Variants in MTBP observed in about 807,000 individuals in gnomAD.
MTBP encodes the protein mdm2-binding protein.
MTBP carries 101 observed loss-of-function variants against 117.0 expected under a neutral mutation model. That is an observed-to-expected ratio of 0.86 (90% CI 0.73 to 1.02). The LOEUF (loss-of-function observed/expected upper bound fraction) is 1.02. MTBP is among the 50% of genes least tolerant of loss of function. The pLI, the probability that MTBP is intolerant of heterozygous loss-of-function variation, is 0.00. For synonymous variants in MTBP, 350 were observed against 351.5 expected (o/e 1.00, Z 0.05); for missense variants, 970 against 1,030.9 (o/e 0.94, Z 0.81).
chr8:120,483,002 ACTAT>A (rs1218261134), intron 11 of MTBP, among the ~76,000 whole-genome samples: 2 of 146,040 alleles, frequency 1.4e-5, no homozygotes, highest in East Asian at 1.9e-4. Context: ...CCCGGACAGT[ACTAT>A]CTTTTTTTTT....
At chr8:120,456,496 AT>A (rs1813469856) in intron 6 of MTBP, 56 bp from the exon 7 acceptor site, 1 of 1,101,758 alleles carries the variant, frequency 9.1e-7, no homozygotes, top group East Asian at 2.4e-5. Flanking sequence ...AACTATAATG[AT>A]TAAATCAGTG....
intron 4 of MTBP, chr8:120,452,681 T>A (rs1437822941): frequency 1.3e-5 from 2 of 151,862 alleles, no homozygotes; most frequent in Non-Finnish European, 2.9e-5. Context: ...ATAGAAAAAA[T>A]TAGCCGGGCG....
chr8:120,489,109 G>A (rs993420888), intron 12 of MTBP, among the ~76,000 whole-genome samples: 3 of 144,238 alleles, frequency 2.1e-5, no homozygotes, highest in Non-Finnish European at 4.5e-5. Flanking sequence ...TGCAATCTTC[G>A]CTCACTGCAA....
chr8:120,488,923 T>C (rs992652899), intron 12 of MTBP, among the ~76,000 whole-genome samples: 1 of 152,160 alleles, frequency 6.6e-6, no homozygotes, highest in African/African-American at 2.4e-5. Context: ...TTCACACCCA[T>C]GTTTGGTGCC....
intron 21 of MTBP, 149 bp downstream of exon 21, chr8:120,522,868 C>G (rs1285502698): frequency 1.7e-6 from 1 of 579,692 alleles, no homozygotes; most frequent in Non-Finnish European, 3.0e-6. Context: ...ACTTCATAGG[C>G]TTATTTAGGC....
chr8:120,515,582 C>T (rs1814901856), intron 17 of MTBP, among the ~76,000 whole-genome samples: 2 of 151,958 alleles, frequency 1.3e-5, no homozygotes, highest in Admixed American at 6.6e-5. Flanking sequence ...ATATATCAGC[C>T]ATACTGAGAA....
chr8:120,514,168 G>A (rs1307775291), intron 17 of MTBP, among the ~76,000 whole-genome samples: 1 of 151,700 alleles, frequency 6.6e-6, no homozygotes, highest in Non-Finnish European at 1.5e-5. Flanking sequence ...CTGTAGCCAG[G>A]CAAACTAACA....
At chr8:120,460,415 A>G (rs1022125779) in intron 8 of MTBP, among the ~76,000 whole-genome samples, 4 of 152,170 alleles carry the variant, frequency 2.6e-5, no homozygotes, top group African/African-American at 9.6e-5. Flanking sequence ...TTATAGATAT[A>G]TATACACTTA....
chr8:120,466,416 A>G (rs1813695834), intron 10 of MTBP, among the ~76,000 whole-genome samples: 2 of 151,056 alleles, frequency 1.3e-5, no homozygotes, highest in Non-Finnish European at 3.0e-5. Flanking sequence ...GGGTTTCGTC[A>G]TGTTGGCCAG....
chr8:120,479,272 C>G (rs1814018011), intron 11 of MTBP, among the ~76,000 whole-genome samples: 1 of 151,988 alleles, frequency 6.6e-6, no homozygotes, highest in Non-Finnish European at 1.5e-5. Context: ...AATCTACACT[C>G]AAAGTTCAAA....
In MTBP at chr8:120,455,416, T is replaced by A. The variant is rs375729151; in HGVS notation, c.485-19T>A. The stretch of plus-strand genomic sequence containing the variant: ...TCTAACTTTTTAAAAATTACAAAAA[T>A]GCCTTTTTCTCTTTCTAGGTAGAGC... On this transcript the variant is annotated intron_variant, in intron 5 of 21. Coordinates refer to ENST00000305949, the MANE Select transcript of MTBP (RefSeq NM_022045.5). 11 of 1,536,014 alleles carry A rather than the reference T, an allele frequency of 7.2e-6. No individual in the cohort carries two copies. Among genetic ancestry groups the A allele is most frequent in the African/African-American group, 2.8e-5 (2 of 71,284 alleles).
intron 7 of MTBP, 61 bp from the exon 8 acceptor site, chr8:120,459,154 T>G: frequency 1.4e-6 from 2 of 1,388,940 alleles, no homozygotes; most frequent in African/African-American, 2.9e-5. Context: ...TAATAAGATG[T>G]ATTAATCTTT....
intron 11 of MTBP, chr8:120,473,117 A>T (rs1410132523): frequency 6.6e-6 from 1 of 152,158 alleles, no homozygotes; most frequent in Non-Finnish European, 1.5e-5. Context: ...TCATCTCTAG[A>T]TTACTTATAA....
intron 21 of MTBP, 50 bp from the exon 22 acceptor site, chr8:120,523,248 C>T (rs1329379743): frequency 4.1e-6 from 5 of 1,211,610 alleles, no homozygotes; most frequent in Middle Eastern, 3.8e-4. Context: ...TTTTCTATTA[C>T]TTGTGTTTTC....
intron 6 of MTBP, 118 bp downstream of exon 6, chr8:120,455,697 CTA>C (rs1267542113): frequency 9.7e-6 from 9 of 930,078 alleles, no homozygotes; most frequent in South Asian, 1.5e-5. Flanking sequence ...ACATAAAATT[CTA>C]TGTTATACCA....
chr8:120,482,056 T>C (rs1171445826), intron 11 of MTBP, among the ~76,000 whole-genome samples: 1 of 152,182 alleles, frequency 6.6e-6, no homozygotes, highest in Non-Finnish European at 1.5e-5. Context: ...ACCTTGACAG[T>C]TATTTAAAAA....
In MTBP at chr8:120,494,129, TA is replaced by T. The variant is rs150463923; in HGVS notation, c.1448-3261del. Among the ~76,000 whole-genome samples the T allele has an allele frequency of 7.8e-4, 119 of 152,318 alleles. 1 individual carries two copies. In the East Asian group the frequency reaches 0.019, roughly 24 times the overall value. On this transcript the variant is annotated intron_variant, in intron 13 of 21. Transcript: ENST00000305949. ...GGCTTGTATCATGAAGCTGATGTTC[TA>T]AAGTAGAACCTCGACATTGGTTGCC...
At position 120,514,197 on chromosome 8, in the gene MTBP, G is replaced by A. The variant is rs531526485; in HGVS notation, c.1980-1728G>A. ...ACTAACATAACCATCATCTCACATA[G>A]TTACCTCTTGTTTTGTGTGCCAAGA... On this transcript the variant is annotated intron_variant, in intron 17 of 21. Coordinates refer to ENST00000305949, the MANE Select transcript of MTBP (RefSeq NM_022045.5). Among the ~76,000 whole-genome samples the A allele has an allele frequency of 3.3e-5, 5 of 151,986 alleles. No individual in the cohort carries two copies. In the South Asian group the frequency reaches 1.0e-3, roughly 32 times the overall value.
rs1341671883 is a variant in MTBP at position 120,502,534 on chromosome 8, C to T, written c.1652C>T (p.Thr551Ile). 6 of 1,606,892 alleles carry T rather than the reference C, an allele frequency of 3.7e-6. No homozygotes were observed. The African/African-American group carries it at 4.0e-5, about 11-fold the overall frequency. Residue 551 changes from threonine (T) to isoleucine (I), a missense_variant, in exon 15 of 22, where the codon ACC becomes ATC. Coordinates refer to ENST00000305949, the MANE Select transcript of MTBP (RefSeq NM_022045.5). The part of the protein sequence containing the change: ...VEPNSSSLME[T>I]NPLEWPERHV... The stretch of plus-strand genomic sequence containing the variant: ...CCTAATTCCTCAAGTCTAATGGAAA[C>T]CAATCCTCTGGAATGGCCAGAAAGG...
Sources: allele counts gnomAD v4.1 joint callset (sites outside exome capture counted in the v4.1 genomes callset), GRCh38; gene constraint gnomAD v4.1.1; transcripts MANE v1.5; gene names NCBI Gene and HGNC (gene_info 2026-07-23, HGNC 2026-07-21).